The following TRIP12 variants were observed in gnomAD, a reference collection of about 807,000 sequenced individuals.
TRIP12 encodes the protein thyroid hormone receptor interactor 12.
Under a neutral mutation model 244.2 loss-of-function variants are expected in TRIP12, and 25 were observed. That is an observed-to-expected ratio of 0.10 (90% CI 0.07 to 0.14). The LOEUF is 0.14. TRIP12 is among the 10% of genes least tolerant of loss of function. The probability of loss-of-function intolerance (pLI) is 1.00; values close to 1 mark genes in which losing one functional copy is unlikely to be tolerated. For synonymous variants in TRIP12, 905 were observed against 873.1 expected (o/e 1.04, Z -0.64); for missense variants, 1,677 against 2,486.4 (o/e 0.67, Z 6.92).
At chr2:229,852,689 A>G (rs16826411) in intron 4 of TRIP12, among the ~76,000 whole-genome samples, 2,598 of 152,304 alleles carry the variant, frequency 0.017, 68 homozygotes, top group African/African-American at 0.059. Context: ...GATGAGATAC[A>G]GCTGGCAAGC....
intron 8 of TRIP12, among the ~76,000 whole-genome samples, chr2:229,820,741 A>T (rs2049836076): frequency 6.6e-6 from 1 of 152,116 alleles, no homozygotes; most frequent in African/African-American, 2.4e-5. Context: ...GGCACAAGCC[A>T]ACACACGTGG....
At chr2:229,811,977 CTCTAAT>C (rs1447539364) in intron 13 of TRIP12, among the ~76,000 whole-genome samples, 1 of 152,166 alleles carries the variant, frequency 6.6e-6, no homozygotes, top group East Asian at 1.9e-4. Context: ...TATTTAAGTT[CTCTAAT>C]TCTTTTATCT....
chr2:229,844,565 C>T (rs2057186093), intron 4 of TRIP12, among the ~76,000 whole-genome samples: 1 of 152,176 alleles, frequency 6.6e-6, no homozygotes, highest in Admixed American at 6.5e-5. Context: ...AAAATATAGT[C>T]TCCCCCACCA....
chr2:229,776,446 GACTT>G (rs2036286521), intron 37 of TRIP12, among the ~76,000 whole-genome samples: 1 of 152,106 alleles, frequency 6.6e-6, no homozygotes, highest in Non-Finnish European at 1.5e-5. Flanking sequence ...TCTCTTAACA[GACTT>G]ACTTTTTCAA....
chr2:229,859,266 C>G lies in TRIP12; in HGVS notation c.533G>C (p.Arg178Thr). The G allele has an allele frequency of 6.2e-7, 1 of 1,614,222 alleles. No homozygotes were observed. Among genetic ancestry groups the G allele is most frequent in the Non-Finnish European group, 8.5e-7 (1 of 1,180,042 alleles). Residue 178 changes from arginine to threonine, a missense_variant, in exon 4 of 42, where the codon AGG becomes ACG. By Grantham distance (71) the Arg-to-Thr change is moderately conservative (BLOSUM62 -1). Around this residue, in one of 11 missense-constraint regions of TRIP12, gnomAD observed 387 missense variants for 392.6 expected, o/e 0.99. Transcript: ENST00000675903. ...QSPSTSKAHT[R>T]KSGATGGSRS... ...TGAACCGCCAGTGGCCCCACTCTTC[C>G]TGGTATGAGCCTTGCTTGTTGATGG...
At chr2:229,886,513 G>A (rs1019538544) in intron 1 of TRIP12, among the ~76,000 whole-genome samples, 1 of 151,672 alleles carries the variant, frequency 6.6e-6, no homozygotes, top group Non-Finnish European at 1.5e-5. Context: ...CCAGGCTGGA[G>A]TGCAATGGCG....
At position 229,802,476 on chromosome 2, in the gene TRIP12, A is replaced by G. The variant is rs755611451; in HGVS notation, c.2999-17T>C. ...GCATTACACCTTTATAATAACAGAG[A>G]TGAAAGGGAGTCAGTTTTAATCAGG... On this transcript the variant is annotated splice_polypyrimidine_tract_variant and intron_variant, in intron 20 of 41. Coordinates refer to ENST00000675903, the MANE Select transcript of TRIP12 (RefSeq NM_001348323.3). The G allele has an allele frequency of 1.0e-5, 16 of 1,593,804 alleles. No homozygotes were observed. In the Admixed American group the frequency reaches 2.4e-4, roughly 24 times the overall value.
intron 1 of TRIP12, among the ~76,000 whole-genome samples, chr2:229,887,008 G>C (rs1231523410): frequency 1.3e-5 from 2 of 152,068 alleles, no homozygotes; most frequent in Non-Finnish European, 2.9e-5. Context: ...AGGCTACAAA[G>C]CTAATAGGGG....
intron 23 of TRIP12, 36 bp from the exon 24 acceptor site, chr2:229,797,867 TG>T (rs1559475268): frequency 6.2e-7 from 1 of 1,602,982 alleles, no homozygotes; most frequent in Non-Finnish European, 8.5e-7. Context: ...AAAGTCCCAG[TG>T]TATGTAGAAA....
chr2:229,840,348 AAAGAT>A (rs2056084197), intron 5 of TRIP12, among the ~76,000 whole-genome samples: 1 of 152,240 alleles, frequency 6.6e-6, no homozygotes, highest in Admixed American at 6.5e-5. Context: ...AGAAATTCAC[AAAGAT>A]AATACCAGTT....
chr2:229,824,157 A>G (rs1250393289), intron 8 of TRIP12, among the ~76,000 whole-genome samples: 2 of 152,246 alleles, frequency 1.3e-5, no homozygotes, highest in Non-Finnish European at 2.9e-5. Flanking sequence ...ACTGTTTGAG[A>G]TATGATAAAG....
At chr2:229,804,999 G>A (rs1286343483) in intron 18 of TRIP12, among the ~76,000 whole-genome samples, 7 of 152,170 alleles carry the variant, frequency 4.6e-5, no homozygotes, top group East Asian at 3.9e-4. Context: ...TCCGCTTCCC[G>A]GGTTCACGCC....
At chr2:229,878,171 G>A (rs2063994453) in intron 2 of TRIP12, among the ~76,000 whole-genome samples, 1 of 152,152 alleles carries the variant, frequency 6.6e-6, no homozygotes, top group African/African-American at 2.4e-5. Flanking sequence ...ACACACAAAG[G>A]CTGGGCGCGG....
intron 38 of TRIP12, among the ~76,000 whole-genome samples, chr2:229,772,035 T>C (rs1011489098): frequency 1.3e-5 from 2 of 152,246 alleles, no homozygotes; most frequent in African/African-American, 4.8e-5. Flanking sequence ...TTTTAATTTT[T>C]AACGTAAAAT....
In TRIP12 at chr2:229,778,573, T is replaced by C; in HGVS notation, c.5224A>G (p.Thr1742Ala). 6.2e-7 allele frequency: 1 copy of C among 1,613,754 alleles called. No individual in the cohort carries two copies. The highest frequency in any genetic ancestry group is 1.1e-5 in the South Asian group (1 of 91,040). Residue 1742 changes from threonine (T) to alanine (A), a missense_variant, in exon 36 of 42, where the codon ACC (threonine) becomes GCC (alanine). Thr to Ala is a moderately conservative substitution (Grantham distance 58). Coordinates refer to ENST00000675903, the MANE Select transcript of TRIP12 (RefSeq NM_001348323.3). This position sits in a 1 kb window ranked among gnomAD's most constrained non-coding sequence, Gnocchi z 4.1. ...LSNPKGSQEG[T>A]KYIQNLQGLF... The stretch of plus-strand genomic sequence containing the variant: ...CCCTGGAGGTTTTGAATATACTTGG[T>C]CCCTTCTTGGCTCCCTGAAAAACAA...
rs146589056 is a variant in TRIP12 at position 229,890,393 on chromosome 2, C to G, written c.-49-10265G>C. Among the ~76,000 whole-genome samples, 902 of 152,250 alleles carry G rather than the reference C, an allele frequency of 5.9e-3. 7 individuals carry two copies. Among genetic ancestry groups the G allele is most frequent in the African/African-American group, 0.02 (847 of 41,550 alleles). ...GGGATTACAGGTGTGAGCCACCACA[C>G]CCAGCCTACAGAGGTTAACTCTTTA... On this transcript the variant is annotated intron_variant, in intron 1 of 41. Transcript: ENST00000675903.
chr2:229,919,662 T>C (rs1037199779), intron 1 of TRIP12, among the ~76,000 whole-genome samples: 3 of 151,512 alleles, frequency 2.0e-5, no homozygotes, highest in African/African-American at 7.3e-5. Flanking sequence ...AACTAAGTAG[T>C]ATAAATGTCA....
At chr2:229,877,279 C>A (rs1418087314) in intron 2 of TRIP12, among the ~76,000 whole-genome samples, 2 of 152,110 alleles carry the variant, frequency 1.3e-5, no homozygotes, top group African/African-American at 4.8e-5. Flanking sequence ...GTGGCTCATG[C>A]CTGTAATCCC....
intron 8 of TRIP12, among the ~76,000 whole-genome samples, chr2:229,827,909 A>G (rs1182500181): frequency 1.3e-5 from 2 of 152,114 alleles, no homozygotes; most frequent in Non-Finnish European, 2.9e-5. Flanking sequence ...TCTTCTTCCA[A>G]TGTGGCCCAG....
Sources: allele counts gnomAD v4.1 joint callset (sites outside exome capture counted in the v4.1 genomes callset), GRCh38; gene constraint gnomAD v4.1.1; regional missense constraint gnomAD v4.1.1; non-coding constraint Gnocchi (gnomAD v3.1); transcripts MANE v1.5; gene names NCBI Gene and HGNC (gene_info 2026-07-23, HGNC 2026-07-21).